SLC1A6: variants seen among roughly 807,000 people sequenced by gnomAD.
SLC1A6 encodes the protein excitatory amino acid transporter 4.
In SLC1A6, 15 loss-of-function variants were observed where a neutral mutation model predicts 42.1. That is an observed-to-expected ratio of 0.36 (90% CI 0.24 to 0.55). SLC1A6 has a LOEUF of 0.55. Among genes scored for constraint, SLC1A6 ranks in the 20% least tolerant of loss-of-function variants. SLC1A6 has a pLI of 0.88. For synonymous variants in SLC1A6, 317 were observed against 319.7 expected, an observed-to-expected ratio of 0.99 and a Z score of 0.09; for missense variants, 542 against 772.5, an observed-to-expected ratio of 0.70 and a Z score of 3.54.
rs748338816 is a variant in SLC1A6, at chr19:14,962,161, A to G, written c.776T>C (p.Val259Ala). Reference sequence around the variant, plus strand: ...GTTGATGCCATTGGCGGAGCCAGGCACGGGTACAGTCTCCTCAAAGCTCAG... The same window carrying G: ...GTTGATGCCATTGGCGGAGCCAGGCGCGGGTACAGTCTCCTCAAAGCTCAG... Reference protein sequence around the residue: ...EMLSFEETVPVPGSANGINAL... With the variant: ...EMLSFEETVPAPGSANGINAL... Residue 259 changes from valine (V) to alanine (A), a missense_variant, in exon 6 of 10, where the codon GTG becomes GCG. Val to Ala is a moderately conservative substitution (Grantham distance 64). Around this residue, in one of 6 missense-constraint regions of SLC1A6, gnomAD observed 298 missense variants for 419.4 expected, o/e 0.71. Coordinates refer to ENST00000594383, the MANE Select transcript of SLC1A6 (RefSeq NM_005071.3). 9 of 1,614,212 alleles carry G rather than the reference A, an allele frequency of 5.6e-6. No individual in the cohort carries two copies. Among genetic ancestry groups the G allele is most frequent in the Non-Finnish European group, 7.6e-6 (9 of 1,180,020 alleles).
At chr19:14,972,042 T>C (rs2045646295) in intron 2 of SLC1A6, among the ~76,000 whole-genome samples, 168 bp from the exon 3 acceptor site, 1 of 151,358 alleles carries the variant, frequency 6.6e-6, no homozygotes. Context: ...TGTAGAAATG[T>C]ATGCATGTAT....
At chr19:14,988,123 T>A (rs2045801952) in intron 1 of SLC1A6, among the ~76,000 whole-genome samples, 1 of 152,152 alleles carries the variant, frequency 6.6e-6, no homozygotes, top group Non-Finnish European at 1.5e-5. Flanking sequence ...TTCTGGCATA[T>A]TCCCCAAGTC....
intron 8 of SLC1A6, 118 bp from the exon 9 acceptor site, chr19:14,953,180 A>C (rs1405616081): frequency 2.7e-6 from 2 of 737,394 alleles, no homozygotes. Context: ...TAAATTAAAT[A>C]CCCAAGCCAG....
At chr19:15,004,539 C>A (rs200350083) in intron 1 of SLC1A6, among the ~76,000 whole-genome samples, 597 of 120,348 alleles carry the variant, frequency 5.0e-3, no homozygotes, top group Middle Eastern at 9.3e-3. Flanking sequence ...CTCACCTCTA[C>A]AAAAAAAAAA....
chr19:14,989,343 C>G (rs1324981133), intron 1 of SLC1A6, among the ~76,000 whole-genome samples: 1 of 152,054 alleles, frequency 6.6e-6, no homozygotes, highest in Non-Finnish European at 1.5e-5. Flanking sequence ...CTCACTGCAA[C>G]CTCCACCTCC....
Position 14,952,993 on chromosome 19 carries a change from A to G in SLC1A6, c.1434T>C (p.Ile478=), listed in dbSNP as rs751660973. 1.8e-5 allele frequency: 29 copies of G among 1,613,918 alleles called. No homozygotes were observed. Among genetic ancestry groups the G allele is most frequent in the Non-Finnish European group, 2.5e-5 (29 of 1,180,000 alleles). ...TGGGCAAGCCGACCGACGTAAGCAC[A>G]ATGACCATGGTGACCAGACCCGCCT... is the stretch of plus-strand genomic sequence containing the variant. ...IPQAGLVTMV[I]VLTSVGLPTE... Residue 478 remains isoleucine (I), a synonymous_variant, in exon 9 of 10, where the codon ATT becomes ATC. Coordinates refer to ENST00000594383, the MANE Select transcript of SLC1A6 (RefSeq NM_005071.3).
intron 1 of SLC1A6, among the ~76,000 whole-genome samples, chr19:15,009,292 T>A (rs10419689): frequency 6.6e-6 from 1 of 150,870 alleles, no homozygotes; most frequent in African/African-American, 2.4e-5. Context: ...ATCATATATA[T>A]GCTCTCTAGA....
chr19:14,968,529 C>A (rs2045600395), intron 3 of SLC1A6, 22 bp from the exon 4 acceptor site: 3 of 1,583,076 alleles, frequency 1.9e-6, no homozygotes, highest in Non-Finnish European at 1.7e-6. Flanking sequence ...ATGATGTGGC[C>A]CCCGCAGCTC....
At chr19:14,969,397 G>A (rs1282551249) in intron 3 of SLC1A6, among the ~76,000 whole-genome samples, 4 of 152,206 alleles carry the variant, frequency 2.6e-5, no homozygotes, top group Non-Finnish European at 4.4e-5. Context: ...GAGACCTAGA[G>A]CCAAAGAATG....
At chr19:14,963,841 T>G (rs2045542871) in intron 5 of SLC1A6, among the ~76,000 whole-genome samples, 2 of 151,692 alleles carry the variant, frequency 1.3e-5, no homozygotes, top group East Asian at 1.9e-4. Flanking sequence ...CTTTTTTTTT[T>G]TTTTCTTTTT....
intron 6 of SLC1A6, among the ~76,000 whole-genome samples, chr19:14,958,392 C>T (rs1163574601): frequency 6.7e-6 from 1 of 150,050 alleles, no homozygotes; most frequent in Non-Finnish European, 1.5e-5. Context: ...GCTTGGGCGA[C>T]AGAGCCAGAC....
chr19:15,005,218 C>T (rs917082459), intron 1 of SLC1A6, among the ~76,000 whole-genome samples: 4 of 150,110 alleles, frequency 2.7e-5, no homozygotes, highest in African/African-American at 9.8e-5. Context: ...CATGATGGTA[C>T]CACTGTACTC....
chr19:14,997,133 C>T (rs1029359034), intron 1 of SLC1A6, among the ~76,000 whole-genome samples: 13 of 152,188 alleles, frequency 8.5e-5, no homozygotes, highest in African/African-American at 3.1e-4. Context: ...ACAGACAAAA[C>T]TCAGTCATCC....
intron 1 of SLC1A6, among the ~76,000 whole-genome samples, chr19:14,991,432 G>A (rs2045819490): frequency 6.6e-6 from 1 of 152,058 alleles, no homozygotes; most frequent in Admixed American, 6.6e-5. Flanking sequence ...CAAGCCCCCT[G>A]GCCAGCATGG....
At chr19:14,971,070 C>T (rs1359713887) in intron 3 of SLC1A6, among the ~76,000 whole-genome samples, 1 of 152,124 alleles carries the variant, frequency 6.6e-6, no homozygotes, top group Non-Finnish European at 1.5e-5. Flanking sequence ...GTGGAGATTG[C>T]AGTGAGCCAA....
At chr19:14,978,872 G>C (rs1356569534) in intron 1 of SLC1A6, among the ~76,000 whole-genome samples, 1 of 151,906 alleles carries the variant, frequency 6.6e-6, no homozygotes, top group African/African-American at 2.4e-5. Flanking sequence ...AAATCTTACA[G>C]AGGCAGTGAC....
At chr19:14,958,724 C>A (rs1275446269) in intron 6 of SLC1A6, among the ~76,000 whole-genome samples, 1 of 152,200 alleles carries the variant, frequency 6.6e-6, no homozygotes, top group Non-Finnish European at 1.5e-5. Flanking sequence ...ATTAATTGTG[C>A]ATGATTTCTT....
upstream of SLC1A6, among the ~76,000 whole-genome samples, chr19:14,983,396 G>C (rs1285649094): frequency 6.6e-6 from 1 of 152,052 alleles, no homozygotes; most frequent in East Asian, 1.9e-4. Context: ...AGAAGGTTGT[G>C]GGGTAGCTGG....
At chr19:15,005,210 T>C (rs993038602) in intron 1 of SLC1A6, among the ~76,000 whole-genome samples, 79 of 145,666 alleles carry the variant, frequency 5.4e-4, no homozygotes, top group African/African-American at 1.8e-3. Flanking sequence ...CAGTGAGCCA[T>C]GATGGTACCA....
Sources: gnomAD v4.1 joint callset for allele counts (sites outside exome capture counted in the v4.1 genomes callset) on GRCh38, gnomAD v4.1.1 for gene constraint, gnomAD v4.1.1 regional missense constraint, MANE v1.5 for transcripts, NCBI Gene and HGNC (gene_info 2026-07-23, HGNC 2026-07-21) for gene names.